HDAC4: variants seen among roughly 807,000 people sequenced by gnomAD.
The protein encoded by HDAC4 is histone deacetylase A.
A neutral mutation model predicts 135.1 loss-of-function variants in HDAC4; 16 were observed. The ratio of observed to expected loss-of-function variants is 0.12; its 90% CI spans 0.08 to 0.18. The LOEUF (loss-of-function observed/expected upper bound fraction) is 0.18, where lower values mean the gene tolerates loss of function less well. HDAC4 is among the 10% of genes least tolerant of loss of function. The pLI is 1.00. For missense variants in HDAC4, 1,143 were observed against 1,511.8 expected, an observed-to-expected ratio of 0.76 and a Z score of 4.05; for synonymous variants, 685 against 653.4, an observed-to-expected ratio of 1.05 and a Z score of -0.74.
At chr2:239,218,865 A>G (rs1312267484) in intron 3 of HDAC4, among the ~76,000 whole-genome samples, 2 of 151,642 alleles carry the variant, frequency 1.3e-5, no homozygotes, top group Non-Finnish European at 2.9e-5. Flanking sequence ...AACACATGAA[A>G]AAATGCTCAC....
At chr2:239,198,349 C>G (rs1329323248) in intron 3 of HDAC4, among the ~76,000 whole-genome samples, 2 of 152,200 alleles carry the variant, frequency 1.3e-5, no homozygotes, top group African/African-American at 4.8e-5. Context: ...CAGGAACCCC[C>G]TGGCTCAGTG....
chr2:239,115,179 C>A lies in HDAC4; in HGVS notation c.1665G>T (p.Ala555=), dbSNP rs199929797. ...YLDRLPGQKE[A]HAQAGVQVKQ... ...TCACCTGCACGCCGGCCTGTGCGTG[C>A]GCCTCCTTCTGCCCCGGCAGCCGGT... The change falls in exon 13 of 27, where the codon GCG becomes GCT. Residue 555 remains alanine, a synonymous_variant. Transcript: ENST00000543185. This position sits in a 1 kb window ranked among gnomAD's most constrained non-coding sequence, Gnocchi z 6.3. The A allele has an allele frequency of 3.8e-5, 62 of 1,610,912 alleles. No individual in the cohort carries two copies. Among genetic ancestry groups the A allele is most frequent in the Non-Finnish European group, 5.0e-5 (59 of 1,179,940 alleles).
chr2:239,099,309 G>A (rs905656265), intron 16 of HDAC4, among the ~76,000 whole-genome samples: 4 of 152,238 alleles, frequency 2.6e-5, no homozygotes, highest in Admixed American at 6.5e-5. Context: ...TCTGAAAGGC[G>A]TGGAGGTGGG....
intron 2 of HDAC4, among the ~76,000 whole-genome samples, chr2:239,251,628 G>A (rs932603039): frequency 6.6e-6 from 1 of 152,000 alleles, no homozygotes; most frequent in African/African-American, 2.4e-5. Context: ...GGCCCCAGCT[G>A]TAACCACACA....
rs544410917 is a variant in HDAC4 at position 239,094,175 on chromosome 2, A to G, written c.2280+835T>C. ...CGTCTGTGGTGATTCGCGGCACTGC[A>G]GGACCATGATGGCCCGGATCTGCTC... On this transcript the variant is annotated intron_variant, in intron 17 of 26. Transcript: ENST00000543185. 8.1e-6 allele frequency: 8 copies of G among 985,458 alleles called. No individual in the cohort carries two copies. In the South Asian group the frequency reaches 3.8e-4, roughly 46 times the overall value. The allele number at this position is 985,458 out of a possible 1,614,324, so 61.0% of individuals were successfully genotyped here.
intron 2 of HDAC4, among the ~76,000 whole-genome samples, chr2:239,329,506 C>G (rs897252030): frequency 7.2e-5 from 11 of 152,102 alleles, no homozygotes; most frequent in African/African-American, 2.7e-4. Flanking sequence ...CTCCTCCCAC[C>G]GGGACACCCC....
At chr2:239,365,250 G>A (rs532970135) in intron 1 of HDAC4, among the ~76,000 whole-genome samples, 22 of 152,308 alleles carry the variant, frequency 1.4e-4, no homozygotes, top group Non-Finnish European at 3.1e-4. Flanking sequence ...GCCACATGGC[G>A]CAAGACTTCA....
At chr2:239,382,871 T>G (rs1695517360) in intron 1 of HDAC4, among the ~76,000 whole-genome samples, 1 of 152,098 alleles carries the variant, frequency 6.6e-6, no homozygotes, top group South Asian at 2.1e-4. Flanking sequence ...GTTACAGGCA[T>G]GAGCCACCAC....
chr2:239,124,858 C>CCA (rs2040048672), intron 12 of HDAC4, among the ~76,000 whole-genome samples: 1 of 103,250 alleles, frequency 9.7e-6, no homozygotes, highest in Non-Finnish European at 2.1e-5. Flanking sequence ...ATATGACATT[C>CCA]TGGTGTGCTG....
chr2:239,229,555 G>A (rs534269665), intron 3 of HDAC4, among the ~76,000 whole-genome samples: 9 of 152,304 alleles, frequency 5.9e-5, no homozygotes, highest in African/African-American at 2.2e-4. Flanking sequence ...ACAGCCTCAG[G>A]AAGTCTGTGC....
intron 22 of HDAC4, among the ~76,000 whole-genome samples, chr2:239,072,528 C>T (rs111567078): frequency 1.1e-4 from 17 of 152,320 alleles, no homozygotes; most frequent in South Asian, 8.3e-4. Flanking sequence ...CCAGCACACG[C>T]GTGTGGGCCA....
At chr2:239,074,722 AAGAAACGT>A in intron 22 of HDAC4, among the ~76,000 whole-genome samples, 1 of 152,238 alleles carries the variant, frequency 6.6e-6, no homozygotes, top group Non-Finnish European at 1.5e-5. Context: ...TGGCGCGACT[AAGAAACGT>A]CCCTTCTCCT....
chr2:239,346,010 TCACA>T (rs879597044), intron 2 of HDAC4, among the ~76,000 whole-genome samples: 4 of 124,184 alleles, frequency 3.2e-5, no homozygotes, highest in African/African-American at 6.7e-5. Flanking sequence ...GCACTCACTC[TCACA>T]CACACATCCT....
rs1200588404 is a variant in HDAC4, at chr2:239,052,667, G to C, written c.*430C>G. ...TTTACACAGAGACTGTGGAGTTGTGGGTAATAAACTTTAAGCACCAGTTTT... is the reference window on the plus strand; with the variant it reads ...TTTACACAGAGACTGTGGAGTTGTGCGTAATAAACTTTAAGCACCAGTTTT... On this transcript the variant is annotated 3_prime_UTR_variant, in exon 27 of 27. Transcript: ENST00000543185. 2.1e-5 allele frequency: 5 copies of C among 238,846 alleles called. No homozygotes were observed. The highest frequency in any genetic ancestry group is 4.2e-5 in the Non-Finnish European group (5 of 119,120). The allele number at this position is 238,846 out of a possible 1,614,324, so 14.8% of individuals were successfully genotyped here.
At chr2:239,293,984 A>T (rs577639212) in intron 2 of HDAC4, among the ~76,000 whole-genome samples, 1 of 152,348 alleles carries the variant, frequency 6.6e-6, no homozygotes. Context: ...GCAATTTACT[A>T]ACTTGCCATT....
chr2:239,326,515 A>G (rs2053474283), intron 2 of HDAC4, among the ~76,000 whole-genome samples: 1 of 152,242 alleles, frequency 6.6e-6, no homozygotes, highest in Non-Finnish European at 1.5e-5. Flanking sequence ...TTATAAATTT[A>G]TGTTATGTAT....
At chr2:239,249,107 T>C (rs2048632765) in intron 2 of HDAC4, among the ~76,000 whole-genome samples, 1 of 152,156 alleles carries the variant, frequency 6.6e-6, no homozygotes. Context: ...GGTGGTGGCA[T>C]TTGAGCCGAC....
At chr2:239,369,478 G>T (rs915060111) in intron 1 of HDAC4, among the ~76,000 whole-genome samples, 15 of 152,210 alleles carry the variant, frequency 9.9e-5, no homozygotes, top group African/African-American at 3.4e-4. Flanking sequence ...GAAACTCAGA[G>T]GTTCGTTAAA....
At chr2:239,330,555 C>T (rs975455534) in intron 2 of HDAC4, among the ~76,000 whole-genome samples, 3 of 152,198 alleles carry the variant, frequency 2.0e-5, no homozygotes, top group Admixed American at 1.3e-4. Flanking sequence ...CCAGTGACCG[C>T]GCACAGTGGT....
Sources: allele counts gnomAD v4.1 joint callset (sites outside exome capture counted in the v4.1 genomes callset), GRCh38; gene constraint gnomAD v4.1.1; non-coding constraint Gnocchi (gnomAD v3.1); transcripts MANE v1.5; gene names NCBI Gene and HGNC (gene_info 2026-07-23, HGNC 2026-07-21).